STAG1: variants seen among roughly 807,000 people sequenced by gnomAD.
STAG1 encodes STAG1 cohesin complex component.
STAG1 carries 26 observed loss-of-function variants against 170.9 expected under a neutral mutation model. The ratio of observed to expected loss-of-function variants is 0.15; its 90% CI spans 0.11 to 0.21. The LOEUF (loss-of-function observed/expected upper bound fraction) is 0.21, where lower values mean the gene tolerates loss of function less well. Ranked by LOEUF, STAG1 falls within the 10% of genes least tolerant of loss-of-function variation. The probability of loss-of-function intolerance (pLI) is 1.00; values close to 1 mark genes in which losing one functional copy is unlikely to be tolerated. For synonymous variants in STAG1, 514 were observed against 497.7 expected (o/e 1.03, Z -0.44); for missense variants, 964 against 1,509.5 (o/e 0.64, Z 5.99).
At chr3:136,610,889 T>G (rs1939241755) in intron 3 of STAG1, among the ~76,000 whole-genome samples, 1 of 152,188 alleles carries the variant, frequency 6.6e-6, no homozygotes, top group African/African-American at 2.4e-5. Flanking sequence ...ACCCTTTCTC[T>G]TCCCCTTCTC....
chr3:136,697,690 G>C (rs953715131), intron 1 of STAG1, among the ~76,000 whole-genome samples: 1 of 152,174 alleles, frequency 6.6e-6, no homozygotes, highest in African/African-American at 2.4e-5. Context: ...ATAATGCAAT[G>C]TACTTTTTCT....
At chr3:136,638,987 G>C (rs1262609041) in intron 1 of STAG1, among the ~76,000 whole-genome samples, 1 of 151,930 alleles carries the variant, frequency 6.6e-6, no homozygotes, top group African/African-American at 2.4e-5. Context: ...CTTTAAAACA[G>C]CTAACAAGTA....
At chr3:136,468,401 A>G (rs2089530623) in intron 12 of STAG1, among the ~76,000 whole-genome samples, 1 of 152,206 alleles carries the variant, frequency 6.6e-6, no homozygotes. Context: ...AAACTAGAAA[A>G]TCTGGAAGAA....
At chr3:136,697,222 T>C (rs1389304035) in intron 1 of STAG1, among the ~76,000 whole-genome samples, 1 of 152,222 alleles carries the variant, frequency 6.6e-6, no homozygotes, top group Non-Finnish European at 1.5e-5. Context: ...TTACACTTTC[T>C]ATGTTGCTTA....
At chr3:136,558,599 T>A (rs1238158938) in intron 5 of STAG1, among the ~76,000 whole-genome samples, 2 of 152,146 alleles carry the variant, frequency 1.3e-5, no homozygotes, top group East Asian at 3.8e-4. Flanking sequence ...CTCAACAACA[T>A]AAAACTAAAA....
chr3:136,417,831 T>C (rs761218626), intron 21 of STAG1, 54 bp downstream of exon 21: 85 of 1,386,764 alleles, frequency 6.1e-5, no homozygotes, highest in Non-Finnish European at 1.7e-5. Context: ...ATCATATGAC[T>C]TCAGAAAAAC....
At chr3:136,633,812 A>G (rs1940434522) in intron 1 of STAG1, among the ~76,000 whole-genome samples, 1 of 143,848 alleles carries the variant, frequency 7.0e-6, no homozygotes, top group Admixed American at 7.1e-5. Context: ...ATATATAGAG[A>G]CTCCATCTCT....
chr3:136,748,473 T>C (rs1265557234), intron 1 of STAG1, among the ~76,000 whole-genome samples: 2 of 152,170 alleles, frequency 1.3e-5, no homozygotes, highest in African/African-American at 2.4e-5. Flanking sequence ...CCCAGCTCAC[T>C]GCAAGCTCCG....
intron 1 of STAG1, among the ~76,000 whole-genome samples, chr3:136,698,572 G>GGAAAACGGTAT (rs1320130438): frequency 2.6e-5 from 4 of 152,188 alleles, no homozygotes; most frequent in East Asian, 3.9e-4. Flanking sequence ...CAACCACTAC[G>GGAAAACGGTAT]GAAAACGGTA....
intron 13 of STAG1, among the ~76,000 whole-genome samples, chr3:136,462,295 T>C (rs1294185135): frequency 6.6e-6 from 1 of 152,186 alleles, no homozygotes; most frequent in Non-Finnish European, 1.5e-5. Flanking sequence ...TCAACCTAAG[T>C]GTTCACCAGC....
intron 1 of STAG1, among the ~76,000 whole-genome samples, chr3:136,649,330 C>T (rs1275486932): frequency 6.6e-6 from 1 of 151,444 alleles, no homozygotes; most frequent in Non-Finnish European, 1.5e-5. Flanking sequence ...AACATAAAAA[C>T]TAGTAGGGCA....
intron 6 of STAG1, among the ~76,000 whole-genome samples, chr3:136,526,108 A>C (rs188930394): frequency 7.8e-4 from 119 of 152,284 alleles, no homozygotes; most frequent in Non-Finnish European, 8.1e-4. Flanking sequence ...GATGTCTATT[A>C]ATTCTGCTTG....
At chr3:136,609,057 A>G (rs1939120289) in intron 3 of STAG1, 1 of 152,346 alleles carries the variant, frequency 6.6e-6, no homozygotes, top group South Asian at 2.1e-4. Flanking sequence ...ATGATGCCCA[A>G]GAGGAAAGTC....
At chr3:136,363,556 A>T in intron 25 of STAG1, 89 bp from the exon 26 acceptor site, 63 of 136,934 alleles carry the variant, frequency 4.6e-4, no homozygotes, top group Middle Eastern at 2.9e-3. Flanking sequence ...TTTGAAAATG[A>T]AAAAAAAAAA....
At chr3:136,719,995 G>A (rs866085053) in intron 1 of STAG1, among the ~76,000 whole-genome samples, 25 of 151,868 alleles carry the variant, frequency 1.6e-4, no homozygotes, top group South Asian at 2.1e-4. Context: ...TGACCATTAC[G>A]GAGAAATCCC....
intron 5 of STAG1, among the ~76,000 whole-genome samples, chr3:136,562,170 GTCCTTTA>G: frequency 6.6e-6 from 1 of 152,126 alleles, no homozygotes; most frequent in South Asian, 2.1e-4. Flanking sequence ...TCTCAATAAC[GTCCTTTA>G]TGCCAAAAGA....
intron 1 of STAG1, among the ~76,000 whole-genome samples, chr3:136,634,164 TA>T (rs948207279): frequency 8.1e-5 from 12 of 149,066 alleles, no homozygotes; most frequent in South Asian, 2.2e-4. Context: ...TAAATAAACA[TA>T]AAAAAAATTT....
At chr3:136,669,363 T>C (rs1207886280) in intron 1 of STAG1, among the ~76,000 whole-genome samples, 2 of 152,116 alleles carry the variant, frequency 1.3e-5, no homozygotes, top group Non-Finnish European at 2.9e-5. Flanking sequence ...TCTTTCTTCT[T>C]TCTTTTTTGA....
chr3:136,697,729 C>T (rs2107904337), intron 1 of STAG1, among the ~76,000 whole-genome samples: 2 of 152,292 alleles, frequency 1.3e-5, no homozygotes, highest in South Asian at 4.1e-4. Flanking sequence ...ACTTCAGCTC[C>T]CTGGAATTAG....
Sources: gnomAD v4.1 joint callset for allele counts (sites outside exome capture counted in the v4.1 genomes callset) on GRCh38, gnomAD v4.1.1 for gene constraint, MANE v1.5 for transcripts, NCBI Gene and HGNC (gene_info 2026-07-23, HGNC 2026-07-21) for gene names.